EML2: variants seen among roughly 807,000 people sequenced by gnomAD.
EML2 encodes EMAP like 2.
A neutral mutation model predicts 84.7 loss-of-function variants in EML2; 59 were observed. The observed-to-expected ratio is 0.70, with a 90% CI of 0.56 to 0.86. EML2 has a LOEUF of 0.86. EML2 is among the 40% of genes least tolerant of loss of function. EML2 has a pLI of 0.00. For synonymous variants in EML2, 352 were observed against 348.9 expected (o/e 1.01, Z -0.10); for missense variants, 818 against 855.6 (o/e 0.96, Z 0.55).
chr19:45,626,315 C>A (rs1446032078), intron 8 of EML2, among the ~76,000 whole-genome samples: 1 of 151,336 alleles, frequency 6.6e-6, no homozygotes, highest in Non-Finnish European at 1.5e-5. Flanking sequence ...CCACAGTACC[C>A]ATTTATTGAC....
In EML2 at chr19:45,614,720, G is replaced by A. The variant is rs772518360; in HGVS notation, c.1598-20C>T. Reference sequence around the variant, plus strand: ...GGTCCCCTGGGGCAGAAAATGGGAGGAGACATTCAGAGTTGGAAGAACTAC... The same window carrying A: ...GGTCCCCTGGGGCAGAAAATGGGAGAAGACATTCAGAGTTGGAAGAACTAC... On this transcript the variant is annotated intron_variant, in intron 16 of 18. Coordinates refer to ENST00000245925, the MANE Select transcript of EML2 (RefSeq NM_012155.4). 3.1e-6 allele frequency: 5 copies of A among 1,596,022 alleles called. No homozygotes were observed. In the Admixed American group the frequency reaches 5.0e-5, roughly 16 times the overall value.
chr19:45,645,559 A>G, upstream of EML2: 1 of 907,202 alleles, frequency 1.1e-6, no homozygotes, highest in South Asian at 1.8e-5. Context: ...CCCCAACACA[A>G]TCCTAGGGCC....
intron 5 of EML2, 46 bp from the exon 6 acceptor site, chr19:45,633,017 TC>T: frequency 1.2e-6 from 2 of 1,602,526 alleles, no homozygotes; most frequent in Non-Finnish European, 1.7e-6. Flanking sequence ...CAGCTGCTTG[TC>T]CCCCACAACT....
rs201715163 is a variant in EML2 at position 45,621,575 on chromosome 19, C to T, written c.904G>A (p.Ala302Thr). Residue 302 changes from alanine (A) to threonine (T), a missense_variant, in exon 10 of 19, where the codon GCC becomes ACC. Ala to Thr is a moderately conservative substitution (Grantham distance 58, BLOSUM62 0). Transcript: ENST00000245925. ...GACACCAGCGTCCCGTCCCGCAGGG[C>T]GCAGAGCCCAAACACGCCGCCGTCG... ...AHDGGVFGLCALRDGTLVSGG... is the reference protein window; with the variant it reads ...AHDGGVFGLCTLRDGTLVSGG... The T allele has an allele frequency of 2.5e-4, 409 of 1,612,426 alleles. No individual in the cohort carries two copies. The highest frequency in any genetic ancestry group is 3.0e-4 in the Non-Finnish European group (359 of 1,179,940).
At chr19:45,622,534 G>C (rs988047372) in intron 9 of EML2, among the ~76,000 whole-genome samples, 1 of 152,096 alleles carries the variant, frequency 6.6e-6, no homozygotes, top group African/African-American at 2.4e-5. Flanking sequence ...GGGTTTAAGC[G>C]ATTCTCATGT....
At chr19:45,632,729 T>C in intron 6 of EML2, 132 bp downstream of exon 6, 1 of 744,030 alleles carries the variant, frequency 1.3e-6, no homozygotes, top group Non-Finnish European at 2.2e-6. Flanking sequence ...GCCCTCATTG[T>C]GACGTCACAG....
Position 45,619,065 on chromosome 19 carries a change from T to C in EML2, c.1249A>G (p.Ile417Val). The C allele has an allele frequency of 6.2e-7, 1 of 1,609,560 alleles. No homozygotes were observed. The highest frequency in any genetic ancestry group is 8.5e-7 in the Non-Finnish European group (1 of 1,176,888). The change falls in exon 12 of 19, where the codon ATC (isoleucine) becomes GTC (valine). Residue 417 changes from isoleucine to valine, a missense_variant. Coordinates refer to ENST00000245925, the MANE Select transcript of EML2 (RefSeq NM_012155.4). ...CCAGTCCCCGGGCCCCTTACCTCGA[T>C]GATCCTGCTCCACAGGGGCTGGTGG... is the stretch of plus-strand genomic sequence containing the variant. Reference protein sequence around the residue: ...DSHQPLWSRIIEDPARSAGFH... With the variant: ...DSHQPLWSRIVEDPARSAGFH...
Position 45,609,660 on chromosome 19 carries a change from G to A in EML2, c.*3C>T, listed in dbSNP as rs201508885. The A allele has an allele frequency of 6.6e-5, 105 of 1,595,022 alleles. No individual in the cohort carries two copies. The highest frequency in any genetic ancestry group is 7.9e-5 in the Non-Finnish European group (93 of 1,172,642). ...CCTGACACCTGACTCTTCCCTGGCCGCATCAGACCACCCGCCACTGTAGCA... is the reference window on the plus strand; with the variant it reads ...CCTGACACCTGACTCTTCCCTGGCCACATCAGACCACCCGCCACTGTAGCA... On this transcript the variant is annotated 3_prime_UTR_variant, in exon 19 of 19. Coordinates refer to ENST00000245925, the MANE Select transcript of EML2 (RefSeq NM_012155.4).
At position 45,624,823 on chromosome 19, in the gene EML2, G is replaced by C; in HGVS notation, c.742-5C>G. The C allele has an allele frequency of 6.2e-7, 1 of 1,605,914 alleles. No homozygotes were observed. The highest frequency in any genetic ancestry group is 8.5e-7 in the Non-Finnish European group (1 of 1,175,354). On this transcript the variant is annotated splice_polypyrimidine_tract_variant and splice_region_variant and intron_variant, in intron 8 of 18. Transcript: ENST00000245925. ...ATACTTCGGTTTCTCATGTTTCTAA[G>C]GTGGGGGAGGAAAGGAAGGTGTCAG... is the stretch of plus-strand genomic sequence containing the variant.
chr19:45,645,435 G>C (rs762430415), upstream of EML2: 20 of 1,449,966 alleles, frequency 1.4e-5, no homozygotes, highest in Non-Finnish European at 1.8e-5. Context: ...AACGCCCTTC[G>C]TTCCAGCATC....
rs768188753 is a variant in EML2, at chr19:45,613,634, G to A, written c.1731C>T (p.Asn577=). The change falls in exon 18 of 19, where the codon AAC becomes AAT. Residue 577 remains asparagine, a synonymous_variant. Coordinates refer to ENST00000245925, the MANE Select transcript of EML2 (RefSeq NM_012155.4). The part of the protein sequence containing the change: ...WSEGADGTDI[N]AVARSHDGKL... ...TCCCATCATGAGAGCGGGCCACAGC[G>A]TTGATATCAGTGCCGTCCGCCCCCT... The A allele has an allele frequency of 5.6e-6, 9 of 1,614,050 alleles. No homozygotes were observed. The highest frequency in any genetic ancestry group is 1.6e-4 in the Middle Eastern group (1 of 6,062).
intron 6 of EML2, chr19:45,632,617 T>G (rs921294341): frequency 5.9e-6 from 3 of 504,894 alleles, no homozygotes; most frequent in Non-Finnish European, 1.1e-5. Flanking sequence ...AAAACCCGCC[T>G]GCAAATGGGC....
rs1283890138 is a variant in EML2 at position 45,638,938 on chromosome 19, AT to A, written c.21-66del. 14 of 1,581,010 alleles carry A rather than the reference AT, an allele frequency of 8.9e-6. No individual in the cohort carries two copies. The East Asian group carries it at 3.1e-4, about 35-fold the overall frequency. ...TTCAGTTCAGAAAAGGGGAGAAACC[AT>A]TCCTCCACCCCCACCGCTCCCCGGA... On this transcript the variant is annotated intron_variant, in intron 1 of 18. Transcript: ENST00000245925.
intron 6 of EML2, among the ~76,000 whole-genome samples, chr19:45,631,457 C>A (rs1346167763): frequency 2.0e-5 from 3 of 151,956 alleles, no homozygotes; most frequent in Non-Finnish European, 4.4e-5. Flanking sequence ...CTCACTCGGT[C>A]CCCTAGTGTG....
intron 12 of EML2, 100 bp from the exon 13 acceptor site, chr19:45,617,797 C>G: frequency 2.0e-6 from 2 of 1,013,068 alleles, no homozygotes; most frequent in Non-Finnish European, 1.5e-6. Context: ...TGCATGAGGG[C>G]TCTCCCCTCC....
chr19:45,617,241 G>T (rs2122632822), intron 13 of EML2, among the ~76,000 whole-genome samples: 1 of 151,514 alleles, frequency 6.6e-6, no homozygotes, highest in South Asian at 2.1e-4. Context: ...GCAAGACTCT[G>T]TCCCCCCAAA....
At chr19:45,631,376 A>T (rs1796768507) in intron 6 of EML2, among the ~76,000 whole-genome samples, 2 of 151,930 alleles carry the variant, frequency 1.3e-5, no homozygotes, top group African/African-American at 2.4e-5. Flanking sequence ...CTAATATTTT[A>T]ATCAAATATG....
upstream of EML2, chr19:45,640,363 G>A (rs1056692229): frequency 6.6e-5 from 10 of 151,892 alleles, no homozygotes; most frequent in African/African-American, 1.9e-4. Flanking sequence ...GGGTCTACAA[G>A]CGAAGGCCAG....
At position 45,630,450 on chromosome 19, in the gene EML2, G is replaced by A. The variant is rs1343741892; in HGVS notation, c.511-404C>T. Among the ~76,000 whole-genome samples the A allele has an allele frequency of 3.3e-5, 5 of 151,744 alleles. No homozygotes were observed. The East Asian group carries it at 9.8e-4, about 30-fold the overall frequency. On this transcript the variant is annotated intron_variant, in intron 6 of 18. Coordinates refer to ENST00000245925, the MANE Select transcript of EML2 (RefSeq NM_012155.4). ...TGCCTGTAATCCCAGCTACTCGGGAGGCTGAGGCAGGAGAATCGCTTGAAC... is the reference window on the plus strand; with the variant it reads ...TGCCTGTAATCCCAGCTACTCGGGAAGCTGAGGCAGGAGAATCGCTTGAAC...
Sources: gnomAD v4.1 joint callset for allele counts (sites outside exome capture counted in the v4.1 genomes callset) on GRCh38, gnomAD v4.1.1 for gene constraint, MANE v1.5 for transcripts, NCBI Gene and HGNC (gene_info 2026-07-23, HGNC 2026-07-21) for gene names.